P4HA1: variants seen among roughly 807,000 people sequenced by gnomAD.
P4HA1 encodes the protein prolyl 4-hydroxylase subunit alpha 1, also known as prolyl 4-hydroxylase subunit alpha-1.
Under a neutral mutation model 72.8 loss-of-function variants are expected in P4HA1, and 24 were observed. The observed-to-expected ratio is 0.33, with a 90% CI of 0.24 to 0.46. P4HA1 has a LOEUF of 0.46. Among genes scored for constraint, P4HA1 ranks in the 20% least tolerant of loss-of-function variants. The probability of loss-of-function intolerance (pLI) is 1.00; values close to 1 mark genes in which losing one functional copy is unlikely to be tolerated. For missense variants in P4HA1, 446 were observed against 640.6 expected (o/e 0.70, Z 3.28); for synonymous variants, 201 against 218.8 (o/e 0.92, Z 0.72).
intron 10 of P4HA1, among the ~76,000 whole-genome samples, chr10:73,020,014 G>A (rs753721089): frequency 6.6e-6 from 1 of 152,102 alleles, no homozygotes; most frequent in East Asian, 1.9e-4. Flanking sequence ...CCAAGTCTGG[G>A]GAAGAGATAA....
intron 5 of P4HA1, among the ~76,000 whole-genome samples, chr10:73,061,903 C>CA (rs1841322796): frequency 6.6e-6 from 1 of 152,184 alleles, no homozygotes; most frequent in African/African-American, 2.4e-5. Context: ...CCTATAGTCC[C>CA]AGCTGTTCAG....
At position 73,084,911 on chromosome 10, in the gene P4HA1, G is replaced by A. The variant is rs1841895154; in HGVS notation, c.-32-9996C>T. ...TCCCAGCACTTTGGGAGGCCAAGAT[G>A]GAAGGATCACTTGAGCTCAAGAGTT... On this transcript the variant is annotated intron_variant, in intron 1 of 14. Transcript: ENST00000394890. 2.0e-5 allele frequency among the ~76,000 whole-genome samples: 3 copies of A among 152,234 alleles called. No individual in the cohort carries two copies. In the South Asian group the frequency reaches 6.2e-4, roughly 32 times the overall value.
intron 13 of P4HA1, among the ~76,000 whole-genome samples, chr10:73,010,114 G>A (rs371295702): frequency 2.2e-4 from 34 of 152,102 alleles, no homozygotes; most frequent in African/African-American, 6.7e-4. Flanking sequence ...GATTACAGGC[G>A]TGCAACACCA....
intron 7 of P4HA1, among the ~76,000 whole-genome samples, chr10:73,050,285 T>C (rs1002126136): frequency 1.3e-5 from 2 of 152,144 alleles, no homozygotes; most frequent in African/African-American, 4.8e-5. Context: ...AAGGTAATAT[T>C]GCCCCAAACA....
At chr10:73,040,222 T>G (rs1564625802) in intron 9 of P4HA1, among the ~76,000 whole-genome samples, 1 of 152,116 alleles carries the variant, frequency 6.6e-6, no homozygotes, top group Non-Finnish European at 1.5e-5. Context: ...TATGTAAGTA[T>G]GGTTGTACCT....
At chr10:73,093,615 G>A (rs540491168) in intron 1 of P4HA1, among the ~76,000 whole-genome samples, 4 of 151,498 alleles carry the variant, frequency 2.6e-5, no homozygotes, top group Admixed American at 6.6e-5. Flanking sequence ...AGGCCAAGGC[G>A]GGCAGATCAC....
At chr10:73,079,299 T>A (rs961488546) in intron 1 of P4HA1, among the ~76,000 whole-genome samples, 3 of 151,862 alleles carry the variant, frequency 2.0e-5, no homozygotes, top group African/African-American at 4.8e-5. Flanking sequence ...CTATAAAAAA[T>A]TTTTAAAAAT....
intron 8 of P4HA1, among the ~76,000 whole-genome samples, chr10:73,045,903 A>ATT (rs1840849198): frequency 6.6e-6 from 1 of 151,564 alleles, no homozygotes; most frequent in South Asian, 2.1e-4. Context: ...AATTTGGAGA[A>ATT]GCAGAAAAAC....
At chr10:73,025,700 A>G (rs992000923) in intron 10 of P4HA1, among the ~76,000 whole-genome samples, 1 of 152,156 alleles carries the variant, frequency 6.6e-6, no homozygotes, top group African/African-American at 2.4e-5. Flanking sequence ...ACATGATTGT[A>G]TATTTAGAAA....
chr10:73,035,111 CTAGAAG>C (rs1293622152), intron 9 of P4HA1, among the ~76,000 whole-genome samples: 1 of 151,804 alleles, frequency 6.6e-6, no homozygotes, highest in African/African-American at 2.4e-5. Flanking sequence ...GGGTATGTAC[CTAGAAG>C]TAGAATTGCT....
chr10:73,034,062 A>C (rs1259546696), intron 9 of P4HA1, among the ~76,000 whole-genome samples: 1 of 152,140 alleles, frequency 6.6e-6, no homozygotes, highest in Non-Finnish European at 1.5e-5. Flanking sequence ...AAGTTTAAAA[A>C]TTAGCCAGGC....
rs1479346391 is a variant in P4HA1, at chr10:73,047,001, T to G, written c.1001A>C (p.Lys334Thr). The change falls in exon 8 of 15, where the codon AAG becomes ACG. Residue 334 changes from lysine (K) to threonine (T), a missense_variant. By Grantham distance (78) the Lys-to-Thr change is moderately conservative. Coordinates refer to ENST00000394890, the MANE Select transcript of P4HA1 (RefSeq NM_001017962.3). ...APAKQEDEWD[K>T]PRIIRFHDII... ...ATCATGGAAGCGAATAATACGAGGCTTGTCCCATTCATCCTCCTGTTTAGC... is the reference window on the plus strand; with the variant it reads ...ATCATGGAAGCGAATAATACGAGGCGTGTCCCATTCATCCTCCTGTTTAGC... 1 of 1,613,088 alleles carries G rather than the reference T, an allele frequency of 6.2e-7. No individual in the cohort carries two copies. Among genetic ancestry groups the G allele is most frequent in the Non-Finnish European group, 8.5e-7 (1 of 1,179,192 alleles).
At chr10:73,008,850 T>C (rs547182566) in intron 14 of P4HA1, among the ~76,000 whole-genome samples, 13 of 152,158 alleles carry the variant, frequency 8.5e-5, no homozygotes, top group South Asian at 2.1e-4. Flanking sequence ...TCTGGTACCA[T>C]AGAACCCAGT....
intron 7 of P4HA1, among the ~76,000 whole-genome samples, 174 bp downstream of exon 7, chr10:73,050,879 A>AT (rs1164631424): frequency 6.6e-6 from 1 of 151,998 alleles, no homozygotes; most frequent in African/African-American, 2.4e-5. Flanking sequence ...TAATTTTTAA[A>AT]TTTTTTTGTA....
At chr10:73,044,026 G>GT (rs1478823040) in intron 9 of P4HA1, 3 of 1,167,758 alleles carry the variant, frequency 2.6e-6, no homozygotes, top group Non-Finnish European at 3.8e-6. Context: ...TGTTTGTTTT[G>GT]TTTTGCCAAG....
chr10:73,068,050 GC>G (rs1841468711), intron 5 of P4HA1, among the ~76,000 whole-genome samples: 1 of 152,118 alleles, frequency 6.6e-6, no homozygotes, highest in Admixed American at 6.5e-5. Context: ...CTGAAAATTT[GC>G]AAATTTGTAC....
At chr10:73,070,918 C>G (rs373365323) in intron 4 of P4HA1, among the ~76,000 whole-genome samples, 1 of 152,054 alleles carries the variant, frequency 6.6e-6, no homozygotes, top group South Asian at 2.1e-4. Flanking sequence ...CCATGGCTCA[C>G]GCGTGTAATC....
At chr10:73,039,670 C>T (rs1840686682) in intron 9 of P4HA1, among the ~76,000 whole-genome samples, 1 of 152,068 alleles carries the variant, frequency 6.6e-6, no homozygotes, top group African/African-American at 2.4e-5. Flanking sequence ...ATTCTATTTG[C>T]TGAAATGCTG....
In P4HA1 at chr10:73,078,600, A is replaced by ATTTT. The variant is rs770821126; in HGVS notation, c.-32-3689_-32-3686dup. On this transcript the variant is annotated intron_variant, in intron 1 of 14. Transcript: ENST00000394890. ...TCTCTGGTTAGCAAAGCAGTAGGTAATTTTTTTTTTTTTTTTTTTTTTTTT... is the reference window on the plus strand; with the variant it reads ...TCTCTGGTTAGCAAAGCAGTAGGTAATTTTTTTTTTTTTTTTTTTTTTTTTTTTT... 1.6e-3 allele frequency among the ~76,000 whole-genome samples: 164 copies of ATTTT among 99,700 alleles called. 11 individuals carry two copies. The highest frequency in any genetic ancestry group is 4.8e-3 in the African/African-American group (102 of 21,278). 65.4% of individuals were successfully genotyped at this position (99,700 alleles called of 152,430 possible).
Sources: allele counts gnomAD v4.1 joint callset (sites outside exome capture counted in the v4.1 genomes callset), GRCh38; gene constraint gnomAD v4.1.1; transcripts MANE v1.5; gene names NCBI Gene and HGNC (gene_info 2026-07-23, HGNC 2026-07-21).